NELL1: variants seen among roughly 807,000 people sequenced by gnomAD.
NELL1 encodes protein kinase C-binding protein NELL1.
Under a neutral mutation model 107.4 loss-of-function variants are expected in NELL1, and 76 were observed. The observed-to-expected ratio is 0.71, with a 90% confidence interval of 0.59 to 0.86. The LOEUF (loss-of-function observed/expected upper bound fraction) is 0.86. NELL1 is among the 40% of genes least tolerant of loss of function. NELL1 has a pLI of 0.00. For synonymous variants in NELL1, 353 were observed against 341.2 expected, an observed-to-expected ratio of 1.03 and a Z score of -0.38; for missense variants, 1,024 against 1,005.5, an observed-to-expected ratio of 1.02 and a Z score of -0.25.
At chr11:20,683,045 T>G (rs1337109128) in intron 2 of NELL1, among the ~76,000 whole-genome samples, 1 of 152,112 alleles carries the variant, frequency 6.6e-6, no homozygotes, top group East Asian at 1.9e-4. Context: ...TGATTATATT[T>G]AAATCTATCT....
rs1356472060 is a variant in NELL1 at position 21,473,239 on chromosome 11, A to G, written c.1646-61135A>G. On this transcript the variant is annotated intron_variant, in intron 15 of 19. Transcript: ENST00000357134. ...AGGTAGAAGAATGCAGAGGCAAATA[A>G]AGATGAGAAATCTTGTGTTTCTGTC... Among the ~76,000 whole-genome samples the G allele has an allele frequency of 3.3e-5, 5 of 152,028 alleles. No homozygotes were observed. The East Asian group carries it at 9.6e-4, about 29-fold the overall frequency.
chr11:21,181,947 T>A (rs925706417), intron 13 of NELL1, among the ~76,000 whole-genome samples: 8 of 151,922 alleles, frequency 5.3e-5, no homozygotes, highest in Non-Finnish European at 1.0e-4. Context: ...TTCTAAGACT[T>A]TACATATATT....
intron 3 of NELL1, among the ~76,000 whole-genome samples, chr11:20,840,688 A>G (rs1564929972): frequency 6.6e-6 from 1 of 152,214 alleles, no homozygotes; most frequent in Non-Finnish European, 1.5e-5. Flanking sequence ...CAGAAACTGC[A>G]TTTTTACATT....
At chr11:21,287,955 A>G (rs903075132) in intron 14 of NELL1, among the ~76,000 whole-genome samples, 2 of 151,370 alleles carry the variant, frequency 1.3e-5, no homozygotes, top group African/African-American at 4.9e-5. Context: ...ACAGGCTCTT[A>G]GTTCATACTC....
intron 15 of NELL1, among the ~76,000 whole-genome samples, chr11:21,508,750 A>G (rs1308978489): frequency 6.6e-6 from 1 of 151,872 alleles, no homozygotes; most frequent in Non-Finnish European, 1.5e-5. Flanking sequence ...AATATGAAGA[A>G]TCATCTCAAA....
intron 2 of NELL1, among the ~76,000 whole-genome samples, chr11:20,712,241 A>G (rs1215329718): frequency 6.6e-6 from 1 of 151,960 alleles, no homozygotes; most frequent in Non-Finnish European, 1.5e-5. Context: ...GTTCTAGTCT[A>G]TTGTTGAAAC....
intron 3 of NELL1, among the ~76,000 whole-genome samples, chr11:20,825,869 G>C (rs1857871183): frequency 6.6e-6 from 1 of 151,148 alleles, no homozygotes; most frequent in African/African-American, 2.4e-5. Flanking sequence ...ATATGGTCCG[G>C]CTCTATGTCC....
At chr11:21,413,973 A>G (rs1461411080) in intron 15 of NELL1, among the ~76,000 whole-genome samples, 1 of 152,082 alleles carries the variant, frequency 6.6e-6, no homozygotes, top group Admixed American at 6.6e-5. Flanking sequence ...GTTGTTCACA[A>G]TGGTAGTAAA....
At chr11:21,392,242 G>C (rs1851895675) in intron 15 of NELL1, among the ~76,000 whole-genome samples, 1 of 151,714 alleles carries the variant, frequency 6.6e-6, no homozygotes, top group African/African-American at 2.4e-5. Flanking sequence ...ACAGCTCTGA[G>C]GAATCTAACT....
intron 13 of NELL1, among the ~76,000 whole-genome samples, chr11:21,154,678 G>A (rs1856192445): frequency 6.6e-6 from 1 of 152,146 alleles, no homozygotes; most frequent in Non-Finnish European, 1.5e-5. Flanking sequence ...AAGGAACAAA[G>A]CAAGCCTTCC....
At chr11:21,553,614 C>A (rs865790857) in intron 16 of NELL1, among the ~76,000 whole-genome samples, 5 of 151,694 alleles carry the variant, frequency 3.3e-5, no homozygotes, top group African/African-American at 7.3e-5. Context: ...CAAAGAGAAG[C>A]CTGGGGCCAT....
intron 14 of NELL1, among the ~76,000 whole-genome samples, chr11:21,272,882 C>T (rs1848770182): frequency 1.3e-5 from 2 of 152,242 alleles, no homozygotes; most frequent in South Asian, 4.1e-4. Flanking sequence ...GAAAGGACAT[C>T]CACACCAAAA....
chr11:20,754,875 C>G (rs1035200882), intron 2 of NELL1, among the ~76,000 whole-genome samples: 7 of 152,186 alleles, frequency 4.6e-5, no homozygotes, highest in African/African-American at 1.7e-4. Context: ...AGACTGGAGC[C>G]TTAATGTTAG....
intron 15 of NELL1, among the ~76,000 whole-genome samples, chr11:21,410,804 C>G (rs1009198394): frequency 1.3e-5 from 2 of 152,106 alleles, no homozygotes; most frequent in Non-Finnish European, 2.9e-5. Context: ...ACTGCCTACT[C>G]TGCACTGGAG....
At chr11:21,556,672 C>A (rs977539553) in intron 16 of NELL1, among the ~76,000 whole-genome samples, 1 of 151,708 alleles carries the variant, frequency 6.6e-6, no homozygotes, top group Non-Finnish European at 1.5e-5. Flanking sequence ...AAACTGAGTA[C>A]AATAATAACA....
chr11:21,008,883 GAGA>G (rs1407180376), intron 12 of NELL1, among the ~76,000 whole-genome samples: 1 of 152,088 alleles, frequency 6.6e-6, no homozygotes, highest in Admixed American at 6.5e-5. Context: ...TAACATGGAG[GAGA>G]AGAAGAAGCT....
chr11:21,132,365 G>T (rs1855640519), intron 13 of NELL1, among the ~76,000 whole-genome samples: 2 of 152,136 alleles, frequency 1.3e-5, no homozygotes, highest in African/African-American at 2.4e-5. Flanking sequence ...AGGCCCATTG[G>T]GCTCGTTCCA....
intron 12 of NELL1, among the ~76,000 whole-genome samples, chr11:21,088,056 GCT>G (rs1854435673): frequency 8.8e-6 from 1 of 113,182 alleles, no homozygotes; most frequent in Non-Finnish European, 1.9e-5. Context: ...AGTCCCAGTA[GCT>G]CTGTGTGTGT....
chr11:20,854,605 G>C (rs1033287563), intron 4 of NELL1, among the ~76,000 whole-genome samples: 1 of 152,218 alleles, frequency 6.6e-6, no homozygotes, highest in African/African-American at 2.4e-5. Flanking sequence ...TGCTGGAGTA[G>C]ATACTGAATA....
Sources: gnomAD v4.1 joint callset for allele counts (sites outside exome capture counted in the v4.1 genomes callset) on GRCh38, gnomAD v4.1.1 for gene constraint, MANE v1.5 for transcripts, NCBI Gene and HGNC (gene_info 2026-07-23, HGNC 2026-07-21) for gene names.